The following TACR1 variants were observed in gnomAD, a reference collection of about 807,000 sequenced individuals.
The protein encoded by TACR1 is tachykinin receptor 1.
TACR1 carries 25 observed loss-of-function variants against 35.8 expected under a neutral mutation model. The observed-to-expected ratio is 0.70, with a 90% CI of 0.51 to 0.98. The LOEUF (loss-of-function observed/expected upper bound fraction) is 0.98. TACR1 is among the 50% of genes least tolerant of loss of function. The pLI, the probability that TACR1 is intolerant of heterozygous loss-of-function variation, is 0.00. For synonymous variants in TACR1, 195 were observed against 206.7 expected, an observed-to-expected ratio of 0.94 and a Z score of 0.48; for missense variants, 478 against 522.9, an observed-to-expected ratio of 0.91 and a Z score of 0.84.
intron 2 of TACR1, among the ~76,000 whole-genome samples, chr2:75,058,277 A>G (rs1672609832): frequency 6.6e-6 from 1 of 152,150 alleles, no homozygotes; most frequent in Non-Finnish European, 1.5e-5. Context: ...TTAAAATCAT[A>G]TCTTGTAGTT....
chr2:75,082,709 T>C (rs1673114103), intron 2 of TACR1, among the ~76,000 whole-genome samples: 1 of 152,284 alleles, frequency 6.6e-6, no homozygotes, highest in African/African-American at 2.4e-5. Context: ...GTCTTTTGGC[T>C]GCATAAATGT....
chr2:75,196,081 GA>G (rs1675964626), intron 1 of TACR1, among the ~76,000 whole-genome samples: 3 of 152,120 alleles, frequency 2.0e-5, no homozygotes, highest in African/African-American at 7.2e-5. Flanking sequence ...TTACAATCAG[GA>G]AAGCCACATT....
intron 2 of TACR1, among the ~76,000 whole-genome samples, chr2:75,063,663 G>T (rs1672709740): frequency 6.6e-6 from 1 of 151,994 alleles, no homozygotes; most frequent in African/African-American, 2.4e-5. Context: ...CCTCCTTACT[G>T]GTGTCAGCTC....
chr2:75,154,418 A>G (rs79485140), intron 1 of TACR1: 10,261 of 70,842 alleles, frequency 0.14, 1,616 homozygotes, highest in African/African-American at 0.22. Flanking sequence ...ACGCACACAC[A>G]CACACACACA....
chr2:75,054,069 G>A (rs756221699), intron 2 of TACR1, among the ~76,000 whole-genome samples: 7 of 152,000 alleles, frequency 4.6e-5, no homozygotes, highest in Non-Finnish European at 8.8e-5. Flanking sequence ...TACCCATAGC[G>A]ATTTCAGTTG....
At chr2:75,123,944 G>A (rs938245140) in intron 1 of TACR1, among the ~76,000 whole-genome samples, 1 of 152,168 alleles carries the variant, frequency 6.6e-6, no homozygotes, top group East Asian at 1.9e-4. Flanking sequence ...AGATATTACG[G>A]AGCAAGTGCT....
chr2:75,130,851 C>A (rs1674163925), intron 1 of TACR1, among the ~76,000 whole-genome samples: 1 of 152,178 alleles, frequency 6.6e-6, no homozygotes. Context: ...GGTGCATTTC[C>A]TCATCATTCT....
At chr2:75,121,503 A>G (rs1018656461) in intron 1 of TACR1, among the ~76,000 whole-genome samples, 5 of 152,236 alleles carry the variant, frequency 3.3e-5, no homozygotes, top group African/African-American at 1.2e-4. Context: ...CCATTCCTCC[A>G]TCGCTTCATT....
At chr2:75,132,675 G>C (rs1339667630) in intron 1 of TACR1, among the ~76,000 whole-genome samples, 5 of 152,074 alleles carry the variant, frequency 3.3e-5, no homozygotes, top group Non-Finnish European at 1.5e-5. Flanking sequence ...ATTTTCTTTG[G>C]AACTTTATCT....
chr2:75,195,379 CCTTCTCCTACCTTCCCTT>C (rs1476794800), intron 1 of TACR1, among the ~76,000 whole-genome samples: 1 of 149,014 alleles, frequency 6.7e-6, no homozygotes, highest in Non-Finnish European at 1.5e-5. Context: ...CCTCTTCCCT[CCTTCTCCTACCTTCCCTT>C]CCTTTCCCCC....
At chr2:75,095,112 G>A (rs1440812760) in intron 2 of TACR1, among the ~76,000 whole-genome samples, 3 of 151,942 alleles carry the variant, frequency 2.0e-5, no homozygotes, top group Admixed American at 1.3e-4. Context: ...TTCTTCCATA[G>A]GGTCTGTTCC....
chr2:75,167,507 A>G (rs891139767), intron 1 of TACR1, among the ~76,000 whole-genome samples: 1 of 152,254 alleles, frequency 6.6e-6, no homozygotes, highest in African/African-American at 2.4e-5. Flanking sequence ...ACTACTTACA[A>G]GAATTTAATA....
chr2:75,185,626 A>G (rs971308024), intron 1 of TACR1, among the ~76,000 whole-genome samples: 2 of 152,212 alleles, frequency 1.3e-5, no homozygotes, highest in African/African-American at 4.8e-5. Flanking sequence ...TGCAAACATA[A>G]CTAACATTTT....
At chr2:75,164,851 C>T (rs373023163) in intron 1 of TACR1, among the ~76,000 whole-genome samples, 1 of 152,176 alleles carries the variant, frequency 6.6e-6, no homozygotes, top group Admixed American at 6.5e-5. Flanking sequence ...AATGCTCAGT[C>T]CCAAGTTCCA....
Position 75,051,220 on chromosome 2 carries a change from C to A in TACR1, c.932+31G>T, listed in dbSNP as rs200845424. On this transcript the variant is annotated intron_variant, in intron 4 of 4. Coordinates refer to ENST00000305249, the MANE Select transcript of TACR1 (RefSeq NM_001058.4). Reference sequence around the variant, plus strand: ...TGTGTATGTAGATGGTCTTGTGGCCCCTGGAGAGCTCATGGGGTTGGGATC... The same window carrying A: ...TGTGTATGTAGATGGTCTTGTGGCCACTGGAGAGCTCATGGGGTTGGGATC... The A allele has an allele frequency of 2.3e-4, 377 of 1,613,906 alleles. No homozygotes were observed. The African/African-American group carries it at 4.7e-3, about 20-fold the overall frequency.
intron 1 of TACR1, among the ~76,000 whole-genome samples, chr2:75,125,064 T>G (rs191864201): frequency 9.2e-5 from 14 of 152,368 alleles, no homozygotes; most frequent in African/African-American, 3.4e-4. Context: ...CTTGGCCCAG[T>G]CATCATGTCC....
chr2:75,168,193 G>T (rs902861152), intron 1 of TACR1, among the ~76,000 whole-genome samples: 1 of 152,156 alleles, frequency 6.6e-6, no homozygotes, highest in African/African-American at 2.4e-5. Flanking sequence ...AGGAGAATTG[G>T]TTAAACGAGC....
intron 2 of TACR1, among the ~76,000 whole-genome samples, chr2:75,058,583 T>A (rs1672615130): frequency 6.6e-6 from 1 of 152,224 alleles, no homozygotes; most frequent in Non-Finnish European, 1.5e-5. Flanking sequence ...TGCTGGGTTG[T>A]CATAGACCTG....
chr2:75,090,360 G>T (rs573768103), intron 2 of TACR1, among the ~76,000 whole-genome samples: 1 of 152,166 alleles, frequency 6.6e-6, no homozygotes, highest in Non-Finnish European at 1.5e-5. Flanking sequence ...AAGTGGGGTC[G>T]AACAGGCCTC....
Sources: gnomAD v4.1 joint callset for allele counts (sites outside exome capture counted in the v4.1 genomes callset) on GRCh38, gnomAD v4.1.1 for gene constraint, MANE v1.5 for transcripts, NCBI Gene and HGNC (gene_info 2026-07-23, HGNC 2026-07-21) for gene names.